Variants in ZNF804A observed in about 807,000 individuals in gnomAD.
ZNF804A encodes the protein zinc finger protein 804A.
A neutral mutation model predicts 16.5 loss-of-function variants in ZNF804A; 2 were observed. The observed-to-expected ratio is 0.12, with a 90% CI of 0.05 to 0.38. The LOEUF is 0.38. Among genes scored for constraint, ZNF804A ranks in the 10% least tolerant of loss-of-function variants. ZNF804A has a pLI of 0.99. For missense variants in ZNF804A, 1,473 were observed against 1,390.7 expected, an observed-to-expected ratio of 1.06 and a Z score of -0.94; for synonymous variants, 534 against 489.6, an observed-to-expected ratio of 1.09 and a Z score of -1.20.
chr2:184,653,765 T>A (rs770126930), intron 1 of ZNF804A, among the ~76,000 whole-genome samples: 3 of 152,226 alleles, frequency 2.0e-5, no homozygotes, highest in Non-Finnish European at 4.4e-5. Context: ...TTCCCTTTTC[T>A]GGTGGAATGC....
At chr2:184,909,357 T>C (rs1343471993) in intron 2 of ZNF804A, among the ~76,000 whole-genome samples, 3 of 152,052 alleles carry the variant, frequency 2.0e-5, no homozygotes, top group Non-Finnish European at 4.4e-5. Context: ...TTTAAGCTTA[T>C]TACAACATAG....
intron 1 of ZNF804A, among the ~76,000 whole-genome samples, chr2:184,863,704 G>A (rs73980333): frequency 0.012 from 1,870 of 152,208 alleles, 33 homozygotes; most frequent in African/African-American, 0.043. Context: ...AGCTAATTCA[G>A]CTTTAATCCC....
At chr2:184,805,827 G>A (rs1469543689) in intron 1 of ZNF804A, among the ~76,000 whole-genome samples, 2 of 151,934 alleles carry the variant, frequency 1.3e-5, no homozygotes, top group Non-Finnish European at 2.9e-5. Context: ...AAGTTATTGA[G>A]CCAAGGACTT....
In ZNF804A at chr2:184,936,584, C is replaced by T. The variant is rs34345078; in HGVS notation, c.1188C>T (p.Pro396=). ...CTGAGGTTGAAAATAAAAATGGTCC[C>T]GAGACATTGGCCCCTTCAAATACTG... The part of the protein sequence containing the change: ...STTEVENKNG[P]ETLAPSNTEE... The change falls in exon 4 of 4, where the codon CCC becomes CCT. Residue 396 remains proline (P), a synonymous_variant. Transcript: ENST00000302277. 4.4e-3 allele frequency: 7,168 copies of T among 1,613,838 alleles called. 28 individuals are homozygous for T. Among genetic ancestry groups the T allele is most frequent in the Non-Finnish European group, 5.3e-3 (6,286 of 1,179,898 alleles).
chr2:184,730,968 C>T (rs575713051), intron 1 of ZNF804A, among the ~76,000 whole-genome samples: 22 of 151,670 alleles, frequency 1.5e-4, no homozygotes, highest in African/African-American at 4.6e-4. Flanking sequence ...CTGGGCCAGG[C>T]ATGGTAGCTC....
chr2:184,686,824 G>A (rs1014537701), intron 1 of ZNF804A, among the ~76,000 whole-genome samples: 1 of 152,086 alleles, frequency 6.6e-6, no homozygotes, highest in Non-Finnish European at 1.5e-5. Flanking sequence ...ACATTTGTTG[G>A]CTGCTTGTAT....
At chr2:184,761,029 G>A (rs904001603) in intron 1 of ZNF804A, among the ~76,000 whole-genome samples, 1 of 151,984 alleles carries the variant, frequency 6.6e-6, no homozygotes, top group Admixed American at 6.6e-5. Flanking sequence ...TATTTGTGTT[G>A]ATATCAGATA....
chr2:184,774,987 C>T (rs1399129542), intron 1 of ZNF804A, among the ~76,000 whole-genome samples: 1 of 151,478 alleles, frequency 6.6e-6, no homozygotes, highest in Non-Finnish European at 1.5e-5. Flanking sequence ...TTTCGAAAAG[C>T]AACATAAATA....
At chr2:184,637,686 T>C (rs1046792836) in intron 1 of ZNF804A, among the ~76,000 whole-genome samples, 1 of 23,194 alleles carries the variant, frequency 4.3e-5, no homozygotes, top group African/African-American at 1.9e-4. Flanking sequence ...ATTTAGAAAA[T>C]AGCTTTTTAA....
intron 2 of ZNF804A, among the ~76,000 whole-genome samples, chr2:184,889,178 C>T (rs553832919): frequency 1.3e-5 from 2 of 151,536 alleles, no homozygotes; most frequent in South Asian, 2.1e-4. Context: ...TTAAACATTT[C>T]CCATTGTTTG....
intron 2 of ZNF804A, among the ~76,000 whole-genome samples, chr2:184,910,715 C>A (rs1685342861): frequency 6.6e-6 from 1 of 151,690 alleles, no homozygotes; most frequent in Non-Finnish European, 1.5e-5. Flanking sequence ...TTTGCATTTC[C>A]CTAATGATTA....
intron 1 of ZNF804A, among the ~76,000 whole-genome samples, chr2:184,859,438 C>T: frequency 6.6e-6 from 1 of 151,732 alleles, no homozygotes; most frequent in South Asian, 2.1e-4. Context: ...TCTAGAATTT[C>T]CTTTATTCTA....
At chr2:184,840,965 G>A (rs1476439697) in intron 1 of ZNF804A, among the ~76,000 whole-genome samples, 3 of 151,970 alleles carry the variant, frequency 2.0e-5, no homozygotes, top group Non-Finnish European at 2.9e-5. Flanking sequence ...AAGACGTTTC[G>A]CCATAATGCT....
chr2:184,859,139 G>A (rs552555786), intron 1 of ZNF804A, among the ~76,000 whole-genome samples: 2 of 152,046 alleles, frequency 1.3e-5, no homozygotes, highest in South Asian at 4.1e-4. Context: ...CCTGTACCTA[G>A]ATATTTATAT....
intron 1 of ZNF804A, among the ~76,000 whole-genome samples, chr2:184,726,941 T>C (rs1203001692): frequency 2.6e-5 from 4 of 151,576 alleles, no homozygotes. Flanking sequence ...AGCATAATAA[T>C]AGTAAAATTT....
At chr2:184,717,342 G>T (rs1026987164) in intron 1 of ZNF804A, among the ~76,000 whole-genome samples, 3 of 151,350 alleles carry the variant, frequency 2.0e-5, no homozygotes, top group Admixed American at 6.6e-5. Context: ...CTTTTTTTTA[G>T]ATCTATTTGC....
chr2:184,715,435 A>AG (rs1392526562), intron 1 of ZNF804A, among the ~76,000 whole-genome samples: 2 of 152,082 alleles, frequency 1.3e-5, no homozygotes, highest in African/African-American at 2.4e-5. Flanking sequence ...CCCAAGCTGG[A>AG]GGGCAGCAGG....
chr2:184,690,192 A>T (rs894586596), intron 1 of ZNF804A, among the ~76,000 whole-genome samples: 2 of 72,652 alleles, frequency 2.8e-5, no homozygotes, highest in Non-Finnish European at 5.4e-5. Flanking sequence ...AAGTCTCAGG[A>T]AAAAAAAAAA....
intron 1 of ZNF804A, among the ~76,000 whole-genome samples, chr2:184,638,075 T>A (rs927767727): frequency 6.6e-6 from 1 of 152,206 alleles, no homozygotes; most frequent in African/African-American, 2.4e-5. Flanking sequence ...AATCCTGTTG[T>A]TGTGTGCCAG....
Sources: gnomAD v4.1 joint callset for allele counts (sites outside exome capture counted in the v4.1 genomes callset) on GRCh38, gnomAD v4.1.1 for gene constraint, MANE v1.5 for transcripts, NCBI Gene and HGNC (gene_info 2026-07-23, HGNC 2026-07-21) for gene names.